Variants in CEMIP observed in about 807,000 individuals in gnomAD.
The protein encoded by CEMIP is cell migration inducing hyaluronidase 1, also known as cell migration-inducing and hyaluronan-binding protein.
A neutral mutation model predicts 156.9 loss-of-function variants in CEMIP; 105 were observed. That is an observed-to-expected ratio of 0.67 (90% CI 0.57 to 0.79). CEMIP has a LOEUF of 0.79. Among genes scored for constraint, CEMIP ranks in the 30% least tolerant of loss-of-function variants. The pLI is 0.00. For synonymous variants in CEMIP, 676 were observed against 668.4 expected, an observed-to-expected ratio of 1.01 and a Z score of -0.17; for missense variants, 1,457 against 1,769.4, an observed-to-expected ratio of 0.82 and a Z score of 3.17.
chr15:80,787,775 T>C (rs950857526), intron 1 of CEMIP, among the ~76,000 whole-genome samples: 13 of 152,232 alleles, frequency 8.5e-5, no homozygotes, highest in African/African-American at 3.1e-4. Flanking sequence ...CATCCACTTG[T>C]ACACAGTGGC....
At chr15:80,788,706 T>G (rs1896007312) in intron 1 of CEMIP, among the ~76,000 whole-genome samples, 1 of 152,168 alleles carries the variant, frequency 6.6e-6, no homozygotes, top group Non-Finnish European at 1.5e-5. Flanking sequence ...CAGAGGCGTT[T>G]AATCCATATG....
intron 14 of CEMIP, among the ~76,000 whole-genome samples, chr15:80,913,056 G>A (rs1277132138): frequency 6.6e-6 from 1 of 152,108 alleles, no homozygotes. Flanking sequence ...AGCTGAGAGT[G>A]CCTTAAAGCC....
chr15:80,930,905 T>C (rs1300853610), intron 21 of CEMIP, among the ~76,000 whole-genome samples: 1 of 152,148 alleles, frequency 6.6e-6, no homozygotes, highest in Non-Finnish European at 1.5e-5. Flanking sequence ...AGCATAAGCA[T>C]ACATGTTGGG....
rs200127745 is a variant in CEMIP, at chr15:80,942,980, C to T, written c.3735C>T (p.Gly1245=). The part of the protein sequence containing the change: ...DGKKYPSSED[G]IQVVVIDGNQ... ...AGAAGTACCCCAGTTCGGAGGATGG[C>T]ATCCAGGTGGTGGTGATTGACGGGA... The change falls in exon 28 of 30, where the codon GGC becomes GGT. Residue 1245 remains glycine (G), a synonymous_variant. Transcript: ENST00000394685. 1 of 1,614,202 alleles carries T rather than the reference C, an allele frequency of 6.2e-7. No homozygotes were observed. The highest frequency in any genetic ancestry group is 2.2e-5 in the East Asian group (1 of 44,876).
At chr15:80,936,630 T>G in intron 23 of CEMIP, 44 bp from the exon 24 acceptor site, 1 of 1,529,712 alleles carries the variant, frequency 6.5e-7, no homozygotes, top group Non-Finnish European at 9.0e-7. Flanking sequence ...GGAATAATCC[T>G]TCGTAATAGC....
In CEMIP at chr15:80,942,336, A is replaced by G. The variant is rs776255232; in HGVS notation, c.3698A>G (p.Glu1233Gly). The change falls in exon 27 of 30, where the codon GAA becomes GGA. Residue 1233 changes from glutamate to glycine, a missense_variant and splice_region_variant. Transcript: ENST00000394685. ...CTCTGGAACGACTTCGCTTACATTGAAGTAAGTGCCTCTGGCCCCTGGAGG... is the reference window on the plus strand; with the variant it reads ...CTCTGGAACGACTTCGCTTACATTGGAGTAAGTGCCTCTGGCCCCTGGAGG... ...FHLWNDFAYIEVDGKKYPSSE... is the reference protein window; with the variant it reads ...FHLWNDFAYIGVDGKKYPSSE... 29 of 1,612,922 alleles carry G rather than the reference A, an allele frequency of 1.8e-5. No homozygotes were observed. The highest frequency in any genetic ancestry group is 2.1e-5 in the Non-Finnish European group (25 of 1,178,988).
chr15:80,801,959 T>C (rs150371634), intron 1 of CEMIP, among the ~76,000 whole-genome samples: 1 of 152,334 alleles, frequency 6.6e-6, no homozygotes, highest in African/African-American at 2.4e-5. Flanking sequence ...AGGATGTATG[T>C]ATGTTATATG....
intron 1 of CEMIP, among the ~76,000 whole-genome samples, chr15:80,798,061 G>C (rs1896277205): frequency 6.6e-6 from 1 of 152,104 alleles, no homozygotes; most frequent in South Asian, 2.1e-4. Flanking sequence ...GAATGTACAT[G>C]GTGCATGTGT....
chr15:80,862,437 G>C (rs1339900807), intron 1 of CEMIP, among the ~76,000 whole-genome samples: 1 of 152,190 alleles, frequency 6.6e-6, no homozygotes, highest in Non-Finnish European at 1.5e-5. Context: ...AGTCGGGAGA[G>C]GTTTAAGGTG....
intron 25 of CEMIP, among the ~76,000 whole-genome samples, chr15:80,940,392 G>C (rs959939928): frequency 6.6e-6 from 1 of 152,212 alleles, no homozygotes; most frequent in African/African-American, 2.4e-5. Flanking sequence ...AGAAGCCTCA[G>C]GACCAATCCC....
intron 1 of CEMIP, among the ~76,000 whole-genome samples, chr15:80,868,320 TC>T (rs1283958019): frequency 1.3e-5 from 2 of 152,174 alleles, no homozygotes; most frequent in African/African-American, 4.8e-5. Context: ...CATTTACTCT[TC>T]CCAGTAAGCC....
chr15:80,801,204 T>C (rs555720466), intron 1 of CEMIP, among the ~76,000 whole-genome samples: 8 of 152,210 alleles, frequency 5.3e-5, no homozygotes, highest in Non-Finnish European at 7.3e-5. Flanking sequence ...CCCAAGGCAG[T>C]GGCTTGAAAC....
intron 1 of CEMIP, among the ~76,000 whole-genome samples, chr15:80,784,491 G>A (rs922601581): frequency 4.6e-5 from 7 of 152,154 alleles, no homozygotes; most frequent in Admixed American, 6.5e-5. Context: ...CCCTTGGGAC[G>A]AGGAAAGTGC....
intron 10 of CEMIP, among the ~76,000 whole-genome samples, chr15:80,893,635 A>C (rs1596164993): frequency 6.6e-6 from 1 of 152,032 alleles, no homozygotes; most frequent in Non-Finnish European, 1.5e-5. Context: ...ATCAGCGTTG[A>C]CCTCCGTCTA....
At chr15:80,783,131 A>G (rs1317329658) in intron 1 of CEMIP, among the ~76,000 whole-genome samples, 1 of 152,260 alleles carries the variant, frequency 6.6e-6, no homozygotes, top group Non-Finnish European at 1.5e-5. Flanking sequence ...TATTCTCATC[A>G]GCCTCCTTTG....
chr15:80,817,107 G>A (rs1896802341), intron 1 of CEMIP, among the ~76,000 whole-genome samples: 1 of 152,150 alleles, frequency 6.6e-6, no homozygotes, highest in African/African-American at 2.4e-5. Flanking sequence ...GAAGGAGGAA[G>A]GAGCTAAAAT....
intron 1 of CEMIP, among the ~76,000 whole-genome samples, chr15:80,814,083 C>G (rs1231675467): frequency 7.5e-6 from 1 of 133,092 alleles, no homozygotes; most frequent in East Asian, 2.4e-4. Context: ...CAGAGTCTCC[C>G]TCTGTTGCCC....
intron 1 of CEMIP, among the ~76,000 whole-genome samples, chr15:80,864,022 C>T (rs1353868896): frequency 1.3e-5 from 2 of 152,100 alleles, no homozygotes; most frequent in African/African-American, 2.4e-5. Flanking sequence ...GAGAGGCAAG[C>T]AAAGCCCCCT....
At chr15:80,805,751 G>C (rs528677571) in intron 1 of CEMIP, among the ~76,000 whole-genome samples, 1 of 152,246 alleles carries the variant, frequency 6.6e-6, no homozygotes, top group South Asian at 2.1e-4. Context: ...AATTTAAATT[G>C]CTTACATAAA....
Sources: gnomAD v4.1 joint callset for allele counts (sites outside exome capture counted in the v4.1 genomes callset) on GRCh38, gnomAD v4.1.1 for gene constraint, MANE v1.5 for transcripts, NCBI Gene and HGNC (gene_info 2026-07-23, HGNC 2026-07-21) for gene names.